Variants in SNX29 observed in about 807,000 individuals in gnomAD.
SNX29 encodes sorting nexin-29.
In SNX29, 78 loss-of-function variants were observed where a neutral mutation model predicts 102.1. The ratio of observed to expected loss-of-function variants is 0.76; its 90% CI spans 0.64 to 0.92. The LOEUF (loss-of-function observed/expected upper bound fraction) is 0.92, where lower values mean the gene tolerates loss of function less well. SNX29 is among the 40% of genes least tolerant of loss of function. The probability of loss-of-function intolerance (pLI) is 0.00; values close to 1 mark genes in which losing one functional copy is unlikely to be tolerated. For missense variants in SNX29, 1,280 were observed against 1,061.7 expected (o/e 1.21, Z -2.86); for synonymous variants, 580 against 414.5 (o/e 1.40, Z -4.85).
chr16:12,516,626 C>T (rs1597697518), intron 19 of SNX29, among the ~76,000 whole-genome samples: 1 of 152,190 alleles, frequency 6.6e-6, no homozygotes, highest in East Asian at 1.9e-4. Flanking sequence ...GCAGATATCT[C>T]TTAAGGGGGC....
rs574151643 is a variant in SNX29 at position 12,568,979 on chromosome 16, G to C, written c.*350G>C. On this transcript the variant is annotated 3_prime_UTR_variant, in exon 21 of 21. Transcript: ENST00000566228. ...CAGGCTGGGTGCGCCATGGTTGAGA[G>C]GCAAAGGTGATCCCCTATATAGGAA... is the stretch of plus-strand genomic sequence containing the variant. 2 of 343,502 alleles carry C rather than the reference G, an allele frequency of 5.8e-6. No homozygotes were observed. Among genetic ancestry groups the C allele is most frequent in the African/African-American group, 4.1e-5 (2 of 48,364 alleles). The allele number at this position is 343,502 out of a possible 1,614,324, so 21.3% of individuals were successfully genotyped here.
chr16:12,461,978 A>ATATACATATATATATAT (rs869301507), intron 18 of SNX29, among the ~76,000 whole-genome samples: 1 of 27,354 alleles, frequency 3.7e-5, no homozygotes, highest in African/African-American at 1.4e-4. Flanking sequence ...AAAAAAAAAA[A>ATATACATATATATATAT]ATATATATAT....
chr16:12,318,989 G>A (rs2080843055), intron 15 of SNX29, among the ~76,000 whole-genome samples: 3 of 152,044 alleles, frequency 2.0e-5, no homozygotes, highest in Admixed American at 2.0e-4. Context: ...ATGGAGGTTT[G>A]GGGAGTCCCT....
At chr16:12,270,652 T>G (rs575955322) in intron 14 of SNX29, among the ~76,000 whole-genome samples, 1 of 152,202 alleles carries the variant, frequency 6.6e-6, no homozygotes, top group East Asian at 1.9e-4. Context: ...CATTTACCTC[T>G]TATTTATATT....
chr16:12,362,104 T>C (rs1289245451), intron 16 of SNX29, among the ~76,000 whole-genome samples: 1 of 152,268 alleles, frequency 6.6e-6, no homozygotes, highest in African/African-American at 2.4e-5. Context: ...CTAATTTTAC[T>C]TCACGAGTAG....
At chr16:12,344,539 T>TG (rs879843785) in intron 15 of SNX29, among the ~76,000 whole-genome samples, 2,400 of 150,748 alleles carry the variant, frequency 0.016, 64 homozygotes, top group African/African-American at 0.057. Flanking sequence ...AATGAATGAA[T>TG]AAATGAATGA....
intron 15 of SNX29, among the ~76,000 whole-genome samples, chr16:12,290,350 C>T (rs905861220): frequency 6.6e-6 from 1 of 152,110 alleles, no homozygotes; most frequent in Non-Finnish European, 1.5e-5. Context: ...TTTATGAACC[C>T]TTTCCTGTCC....
At chr16:12,109,127 CAAAAAA>C (rs71139575) in intron 11 of SNX29, among the ~76,000 whole-genome samples, 5 of 33,306 alleles carry the variant, frequency 1.5e-4, no homozygotes, top group Non-Finnish European at 2.1e-4. Flanking sequence ...GGCGCTGTCT[CAAAAAA>C]AAAAAAAAAA....
intron 20 of SNX29, among the ~76,000 whole-genome samples, chr16:12,563,429 T>C (rs920023678): frequency 6.6e-6 from 1 of 152,192 alleles, no homozygotes; most frequent in South Asian, 2.1e-4. Context: ...TTCCTTGCGG[T>C]ATGTCCTTTG....
At chr16:12,551,582 C>G (rs996061591) in intron 20 of SNX29, among the ~76,000 whole-genome samples, 8 of 152,188 alleles carry the variant, frequency 5.3e-5, no homozygotes, top group African/African-American at 1.9e-4. Flanking sequence ...TTTCAAAAGG[C>G]TGGAACAAAT....
chr16:12,178,606 C>CT (rs36093224), intron 13 of SNX29, among the ~76,000 whole-genome samples: 1 of 152,194 alleles, frequency 6.6e-6, no homozygotes, highest in Non-Finnish European at 1.5e-5. Context: ...GGCCTTCTGA[C>CT]TTTTTGTATA....
At chr16:12,119,328 C>T (rs1001138750) in intron 11 of SNX29, among the ~76,000 whole-genome samples, 4 of 152,118 alleles carry the variant, frequency 2.6e-5, no homozygotes, top group South Asian at 2.1e-4. Context: ...TCTTTATAAA[C>T]GCTCACTGTG....
chr16:12,037,458 C>CA (rs1314084640), intron 4 of SNX29, among the ~76,000 whole-genome samples: 1 of 151,726 alleles, frequency 6.6e-6, no homozygotes, highest in African/African-American at 2.4e-5. Context: ...AAGGCGGTAC[C>CA]AAAAAACTTA....
At chr16:12,542,766 T>C (rs1283231272) in intron 20 of SNX29, among the ~76,000 whole-genome samples, 1 of 152,154 alleles carries the variant, frequency 6.6e-6, no homozygotes, top group Non-Finnish European at 1.5e-5. Flanking sequence ...TGCCTTTTTT[T>C]TTTTTTTAAA....
At chr16:12,148,045 C>T (rs369812343) in intron 13 of SNX29, among the ~76,000 whole-genome samples, 2 of 152,154 alleles carry the variant, frequency 1.3e-5, no homozygotes, top group Non-Finnish European at 2.9e-5. Flanking sequence ...CAAACATAGC[C>T]GAAGCAAAGA....
At chr16:12,524,932 C>T (rs963947282) in intron 20 of SNX29, 91 bp downstream of exon 20, 138 of 1,527,112 alleles carry the variant, frequency 9.0e-5, no homozygotes, top group Admixed American at 6.3e-4. Flanking sequence ...AGCGGCTCTC[C>T]GTGATGCCCT....
intron 18 of SNX29, among the ~76,000 whole-genome samples, chr16:12,408,368 C>T (rs535529968): frequency 6.6e-6 from 1 of 152,346 alleles, no homozygotes; most frequent in East Asian, 1.9e-4. Context: ...CATTATCCAG[C>T]AAGCCCTCCA....
chr16:12,302,927 C>G (rs185641809), intron 15 of SNX29, among the ~76,000 whole-genome samples: 86 of 152,316 alleles, frequency 5.6e-4, no homozygotes, highest in Non-Finnish European at 9.1e-4. Flanking sequence ...AGGATAAGCC[C>G]AAGCTTGTCA....
chr16:12,211,450 G>C (rs2077181084), intron 14 of SNX29, among the ~76,000 whole-genome samples: 3 of 152,106 alleles, frequency 2.0e-5, no homozygotes, highest in Admixed American at 2.0e-4. Flanking sequence ...TGTGAGGATG[G>C]GACTGTTGCC....
Sources: allele counts gnomAD v4.1 joint callset (sites outside exome capture counted in the v4.1 genomes callset), GRCh38; gene constraint gnomAD v4.1.1; transcripts MANE v1.5; gene names NCBI Gene and HGNC (gene_info 2026-07-23, HGNC 2026-07-21).